SND1: variants seen among roughly 807,000 people sequenced by gnomAD.
SND1 encodes the protein staphylococcal nuclease and tudor domain containing 1.
SND1 carries 38 observed loss-of-function variants against 121.7 expected under a neutral mutation model. That is an observed-to-expected ratio of 0.31 (90% CI 0.24 to 0.41). The LOEUF is 0.41. Ranked by LOEUF, SND1 falls within the 10% of genes least tolerant of loss-of-function variation. The pLI is 1.00. For missense variants in SND1, 868 were observed against 1,184.6 expected, an observed-to-expected ratio of 0.73 and a Z score of 3.92; for synonymous variants, 401 against 447.4, an observed-to-expected ratio of 0.90 and a Z score of 1.31.
intron 16 of SND1, among the ~76,000 whole-genome samples, chr7:128,070,433 G>A (rs1024928169): frequency 1.3e-5 from 2 of 152,182 alleles, no homozygotes; most frequent in African/African-American, 4.8e-5. Context: ...CAGCCTTCTA[G>A]CAGCCTGTGG....
At chr7:127,958,746 G>A (rs1006114582) in intron 15 of SND1, among the ~76,000 whole-genome samples, 2 of 152,070 alleles carry the variant, frequency 1.3e-5, no homozygotes, top group African/African-American at 4.8e-5. Context: ...TGCTTTCCCC[G>A]CCTCTGTAGA....
At chr7:127,952,271 A>G (rs922892712) in intron 15 of SND1, among the ~76,000 whole-genome samples, 1 of 152,216 alleles carries the variant, frequency 6.6e-6, no homozygotes. Flanking sequence ...TTTCTGTGGG[A>G]TATCATTTCC....
chr7:127,857,879 A>G, intron 12 of SND1: 1 of 1,331,978 alleles, frequency 7.5e-7, no homozygotes, highest in South Asian at 1.2e-5. Context: ...ATGCGTTTGG[A>G]GTTGTAGAAC....
At chr7:127,767,501 G>T (rs2116490918) in intron 10 of SND1, among the ~76,000 whole-genome samples, 1 of 152,294 alleles carries the variant, frequency 6.6e-6, no homozygotes, top group East Asian at 1.9e-4. Flanking sequence ...GCTCCAGCAG[G>T]GAGTCTGTTT....
rs761475407 is a variant in SND1 at position 127,857,005 on chromosome 7, G to T, written c.1343+12581G>T. Among the ~76,000 whole-genome samples, 46 of 152,054 alleles carry T rather than the reference G, an allele frequency of 3.0e-4. 1 individual carries two copies. Among genetic ancestry groups the T allele is most frequent in the Non-Finnish European group, 1.5e-4 (10 of 68,022 alleles). On this transcript the variant is annotated intron_variant, in intron 12 of 23. Coordinates refer to ENST00000354725, the MANE Select transcript of SND1 (RefSeq NM_014390.4). ...AGTGAAGGTTAACCACAGAGTCTTTGTAGTGGCTTACTGTCTTTCAAAGCA... is the reference window on the plus strand; with the variant it reads ...AGTGAAGGTTAACCACAGAGTCTTTTTAGTGGCTTACTGTCTTTCAAAGCA...
At chr7:127,992,499 A>G (rs1802544531) in intron 16 of SND1, among the ~76,000 whole-genome samples, 1 of 152,226 alleles carries the variant, frequency 6.6e-6, no homozygotes, top group South Asian at 2.1e-4. Flanking sequence ...GTCTGTTCAA[A>G]TTCATAACTT....
intron 12 of SND1, among the ~76,000 whole-genome samples, chr7:127,862,780 A>G (rs1441767940): frequency 6.6e-6 from 1 of 152,210 alleles, no homozygotes; most frequent in Non-Finnish European, 1.5e-5. Flanking sequence ...CAGGCCGTGC[A>G]CTGCTGCTGA....
chr7:127,878,323 TAG>T (rs1179346970), intron 12 of SND1, among the ~76,000 whole-genome samples: 1 of 152,182 alleles, frequency 6.6e-6, no homozygotes, highest in Non-Finnish European at 1.5e-5. Context: ...TAAAACTTAT[TAG>T]AGAGATTCAT....
chr7:127,659,031 A>G (rs1270924419), intron 1 of SND1, among the ~76,000 whole-genome samples: 1 of 152,242 alleles, frequency 6.6e-6, no homozygotes, highest in African/African-American at 2.4e-5. Flanking sequence ...GCATAGTTAC[A>G]TACTGTAGGA....
At chr7:127,659,434 C>T (rs1795271131) in intron 1 of SND1, among the ~76,000 whole-genome samples, 1 of 152,096 alleles carries the variant, frequency 6.6e-6, no homozygotes. Context: ...TTTCAGATGC[C>T]ATTTTTGAAA....
chr7:128,003,397 A>T (rs1372761702), intron 16 of SND1, among the ~76,000 whole-genome samples: 1 of 152,152 alleles, frequency 6.6e-6, no homozygotes, highest in African/African-American at 2.4e-5. Context: ...TCAGCTTAAC[A>T]TATGCCTTCC....
chr7:127,730,043 A>AGCCTCT (rs887968245), intron 10 of SND1, among the ~76,000 whole-genome samples: 7 of 151,890 alleles, frequency 4.6e-5, no homozygotes, highest in African/African-American at 9.7e-5. Flanking sequence ...GGGTCACCAC[A>AGCCTCT]GCCTCTGCCT....
intron 11 of SND1, among the ~76,000 whole-genome samples, chr7:127,820,536 A>G (rs1798529478): frequency 6.6e-6 from 1 of 152,214 alleles, no homozygotes; most frequent in African/African-American, 2.4e-5. Flanking sequence ...CCAAGGGGCA[A>G]ATGGTAATAA....
chr7:128,085,198 G>A lies in SND1; in HGVS notation c.2234+351G>A, dbSNP rs115263455. 2.2e-3 allele frequency among the ~76,000 whole-genome samples: 342 copies of A among 152,200 alleles called. No individual in the cohort carries two copies. Among genetic ancestry groups the A allele is most frequent in the African/African-American group, 7.8e-3 (324 of 41,524 alleles). ...TACAGGGGGCTGAGGTAGAGGCTGG[G>A]CTACAGTAAGCCTAAACCAGCTGCC... is the stretch of plus-strand genomic sequence containing the variant. On this transcript the variant is annotated intron_variant, in intron 19 of 23. Transcript: ENST00000354725. This position sits in a 1 kb window ranked among gnomAD's most constrained non-coding sequence, Gnocchi z 4.4.
chr7:127,919,922 T>C (rs941873738), intron 14 of SND1, among the ~76,000 whole-genome samples: 1 of 152,204 alleles, frequency 6.6e-6, no homozygotes, highest in African/African-American at 2.4e-5. Context: ...TGAAAATAAT[T>C]GGAAGGTATA....
At chr7:127,848,071 T>TC (rs1418149622) in intron 12 of SND1, among the ~76,000 whole-genome samples, 1 of 152,224 alleles carries the variant, frequency 6.6e-6, no homozygotes, top group Non-Finnish European at 1.5e-5. Context: ...CCTTCTTGTT[T>TC]CCATAGGGAG....
At chr7:127,852,490 T>TAA (rs779324036) in intron 12 of SND1, among the ~76,000 whole-genome samples, 9 of 83,926 alleles carry the variant, frequency 1.1e-4, no homozygotes, top group African/African-American at 1.3e-4. Flanking sequence ...AGACTCCCTC[T>TAA]AAAAAAAAAA....
chr7:128,030,642 G>A (rs111331334), intron 16 of SND1: 1 of 1,548,816 alleles, frequency 6.5e-7, no homozygotes, highest in East Asian at 2.3e-5. Flanking sequence ...GAGCTTCATG[G>A]TGTGGCACGT....
chr7:127,957,243 T>C lies in SND1; in HGVS notation c.1669+27914T>C, dbSNP rs547921298. On this transcript the variant is annotated intron_variant, in intron 15 of 23. Transcript: ENST00000354725. ...TAACAAAATGACAGTGTTAGCACCATGTTGGCATCATTTGGAACTAGGAAA... is the reference window on the plus strand; with the variant it reads ...TAACAAAATGACAGTGTTAGCACCACGTTGGCATCATTTGGAACTAGGAAA... Among the ~76,000 whole-genome samples the C allele has an allele frequency of 7.2e-5, 11 of 152,340 alleles. No homozygotes were observed. The South Asian group carries it at 1.9e-3, about 26-fold the overall frequency.
Sources: gnomAD v4.1 joint callset for allele counts (sites outside exome capture counted in the v4.1 genomes callset) on GRCh38, gnomAD v4.1.1 for gene constraint, Gnocchi (gnomAD v3.1) non-coding constraint, MANE v1.5 for transcripts, NCBI Gene and HGNC (gene_info 2026-07-23, HGNC 2026-07-21) for gene names.